The following RYR3 variants were observed in gnomAD, a reference collection of about 807,000 sequenced individuals.
RYR3 encodes brain ryanodine receptor-calcium release channel.
A neutral mutation model predicts 584.3 loss-of-function variants in RYR3; 207 were observed. That is an observed-to-expected ratio of 0.35 (90% CI 0.32 to 0.40). The LOEUF (loss-of-function observed/expected upper bound fraction) is 0.40. RYR3 is among the 10% of genes least tolerant of loss of function. RYR3 has a pLI of 1.00. For missense variants in RYR3, 5,616 were observed against 6,089.2 expected (o/e 0.92, Z 2.59); for synonymous variants, 2,416 against 2,248.5 (o/e 1.07, Z -2.11).
chr15:33,723,044 G>T, intron 44 of RYR3, 149 bp downstream of exon 44: 3 of 703,280 alleles, frequency 4.3e-6, no homozygotes. Flanking sequence ...GAACAGTGTT[G>T]TCTTAACTCT....
intron 78 of RYR3, 90 bp downstream of exon 78, chr15:33,820,902 G>GTTGGCAAGTCTGCCTTAATAAAGCACACT: frequency 1.9e-6 from 1 of 533,994 alleles, no homozygotes; most frequent in Non-Finnish European, 3.1e-6. Flanking sequence ...AGCCTATTGA[G>GTTGGCAAGTCTGCCTTAATAAAGCACACT]CATTTCCTGC....
At chr15:33,566,187 C>T (rs1047003347) in intron 11 of RYR3, among the ~76,000 whole-genome samples, 1 of 152,204 alleles carries the variant, frequency 6.6e-6, no homozygotes, top group Non-Finnish European at 1.5e-5. Flanking sequence ...GCTGCTTTCC[C>T]CAGCCCTGCA....
At chr15:33,323,309 C>T (rs1484903422) in intron 1 of RYR3, among the ~76,000 whole-genome samples, 2 of 152,040 alleles carry the variant, frequency 1.3e-5, no homozygotes, top group Non-Finnish European at 2.9e-5. Flanking sequence ...GGGGTTTCAC[C>T]ATGTTGGCCA....
chr15:33,752,207 A>C (rs974185228), intron 57 of RYR3, among the ~76,000 whole-genome samples: 4 of 152,202 alleles, frequency 2.6e-5, no homozygotes, highest in Admixed American at 6.5e-5. Flanking sequence ...TGTCTTGGCT[A>C]TGCGGGCTCT....
intron 10 of RYR3, among the ~76,000 whole-genome samples, chr15:33,552,045 A>ACC (rs1282791244): frequency 3.9e-5 from 6 of 152,106 alleles, no homozygotes; most frequent in Middle Eastern, 3.4e-3. Flanking sequence ...TGAGCCTTCT[A>ACC]CCCCCTTTCT....
intron 1 of RYR3, among the ~76,000 whole-genome samples, chr15:33,425,560 C>T (rs1199760133): frequency 5.9e-5 from 9 of 151,928 alleles, no homozygotes; most frequent in African/African-American, 2.2e-4. Context: ...CAAAATAACC[C>T]TGTGTTGTCT....
intron 85 of RYR3, among the ~76,000 whole-genome samples, chr15:33,829,216 C>T (rs1484800704): frequency 1.3e-5 from 2 of 152,100 alleles, no homozygotes; most frequent in East Asian, 1.9e-4. Context: ...TGACTATGCA[C>T]CTGGTTCCAA....
At chr15:33,586,266 C>G in intron 16 of RYR3, 150 bp downstream of exon 16, 2 of 634,638 alleles carry the variant, frequency 3.2e-6, no homozygotes, top group Non-Finnish European at 5.7e-6. Flanking sequence ...TCCCCGCATA[C>G]AAGCACTCTC....
intron 85 of RYR3, among the ~76,000 whole-genome samples, chr15:33,828,138 G>T (rs2059955): frequency 6.6e-6 from 1 of 151,930 alleles, no homozygotes; most frequent in Non-Finnish European, 1.5e-5. Context: ...AGTGATCTTC[G>T]ATGTTACTAT....
intron 12 of RYR3, among the ~76,000 whole-genome samples, chr15:33,579,208 G>C (rs538022959): frequency 6.6e-6 from 1 of 152,224 alleles, no homozygotes; most frequent in African/African-American, 2.4e-5. Flanking sequence ...GTGATATTCA[G>C]AGAGGGAACA....
At chr15:33,597,002 C>A (rs1193485632) in intron 16 of RYR3, among the ~76,000 whole-genome samples, 13 of 152,174 alleles carry the variant, frequency 8.5e-5, no homozygotes, top group Non-Finnish European at 1.5e-5. Flanking sequence ...AACAAACCTC[C>A]TTATTGCCTG....
chr15:33,449,754 G>A (rs1434547903), intron 1 of RYR3, among the ~76,000 whole-genome samples: 2 of 152,098 alleles, frequency 1.3e-5, no homozygotes, highest in African/African-American at 4.8e-5. Flanking sequence ...GTTTTGGCAA[G>A]GTGTATAGGG....
intron 12 of RYR3, among the ~76,000 whole-genome samples, chr15:33,573,739 A>G (rs1431509439): frequency 6.6e-6 from 1 of 152,188 alleles, no homozygotes; most frequent in Non-Finnish European, 1.5e-5. Flanking sequence ...GTGGGAAGGG[A>G]TAGGTGATAA....
chr15:33,614,266 A>T (rs558393541), intron 19 of RYR3, among the ~76,000 whole-genome samples: 128 of 152,266 alleles, frequency 8.4e-4, no homozygotes, highest in African/African-American at 2.9e-3. Flanking sequence ...TCTGATTATG[A>T]TGTACTGCCC....
intron 2 of RYR3, among the ~76,000 whole-genome samples, chr15:33,474,724 T>C (rs192069529): frequency 1.3e-5 from 2 of 152,190 alleles, no homozygotes; most frequent in Admixed American, 6.5e-5. Context: ...CAGAAATTGG[T>C]AACATTTTCC....
At chr15:33,608,982 C>A (rs1050281030) in intron 18 of RYR3, among the ~76,000 whole-genome samples, 25 of 152,180 alleles carry the variant, frequency 1.6e-4, no homozygotes, top group African/African-American at 5.8e-4. Context: ...GGTATGAAAG[C>A]CCTGCTGCAG....
intron 93 of RYR3, among the ~76,000 whole-genome samples, chr15:33,847,799 C>T (rs1435977734): frequency 6.6e-6 from 1 of 152,220 alleles, no homozygotes; most frequent in Non-Finnish European, 1.5e-5. Flanking sequence ...CTCATTCTAA[C>T]TATGAGACCA....
At chr15:33,785,242 A>C (rs1293198703) in intron 65 of RYR3, among the ~76,000 whole-genome samples, 1 of 152,158 alleles carries the variant, frequency 6.6e-6, no homozygotes, top group Admixed American at 6.5e-5. Context: ...AGGCAATGGC[A>C]CCACAGCTTG....
intron 1 of RYR3, among the ~76,000 whole-genome samples, chr15:33,333,553 A>T (rs939079915): frequency 2.6e-5 from 4 of 152,312 alleles, no homozygotes; most frequent in African/African-American, 9.6e-5. Flanking sequence ...CCTCAAAATA[A>T]TAAGAGCCAC....
Sources: gnomAD v4.1 joint callset for allele counts (sites outside exome capture counted in the v4.1 genomes callset) on GRCh38, gnomAD v4.1.1 for gene constraint, MANE v1.5 for transcripts, NCBI Gene and HGNC (gene_info 2026-07-23, HGNC 2026-07-21) for gene names.